HEATR1: variants seen among roughly 807,000 people sequenced by gnomAD.
HEATR1 encodes HEAT repeat-containing protein 1.
In HEATR1, 77 loss-of-function variants were observed where a neutral mutation model predicts 248.2. The observed-to-expected ratio is 0.31, with a 90% confidence interval of 0.26 to 0.37. HEATR1 has a LOEUF of 0.37. HEATR1 is among the 10% of genes least tolerant of loss of function. The pLI is 1.00. For synonymous variants in HEATR1, 897 were observed against 923.1 expected (o/e 0.97, Z 0.51); for missense variants, 2,420 against 2,504.9 (o/e 0.97, Z 0.72).
intron 32 of HEATR1, among the ~76,000 whole-genome samples, chr1:236,561,580 C>CT (rs1341504412): frequency 3.9e-5 from 6 of 152,170 alleles, no homozygotes; most frequent in African/African-American, 1.4e-4. Flanking sequence ...CTCACATATC[C>CT]TTTGTTGAGA....
intron 37 of HEATR1, 42 bp downstream of exon 37, chr1:236,557,153 C>G: frequency 6.9e-6 from 11 of 1,589,880 alleles, no homozygotes; most frequent in Non-Finnish European, 7.7e-6. Context: ...TTTTACCTTC[C>G]CCAGCCACCC....
In HEATR1 at chr1:236,558,458, T is replaced by C; in HGVS notation, c.4983A>G (p.Glu1661=). ...IVQRKKKEGE[E]EQAINRQTAL... ...CTGTCTGTCTGTTGATTGCTTGTTC[T>C]TCTTCCCCTTCCTTTTTCTTACGCT... The change falls in exon 36 of 45, where the codon GAA becomes GAG. Residue 1661 remains glutamate (E), a synonymous_variant. Coordinates refer to ENST00000366582, the MANE Select transcript of HEATR1 (RefSeq NM_018072.6). The C allele has an allele frequency of 6.2e-7, 1 of 1,614,254 alleles. No individual in the cohort carries two copies. Among genetic ancestry groups the C allele is most frequent in the South Asian group, 1.1e-5 (1 of 91,090 alleles).
chr1:236,600,140 T>TC, intron 3 of HEATR1, among the ~76,000 whole-genome samples: 1 of 134,636 alleles, frequency 7.4e-6, no homozygotes, highest in East Asian at 2.1e-4. Flanking sequence ...TTTTTTTTTT[T>TC]TTTTTTTGAG....
intron 28 of HEATR1, among the ~76,000 whole-genome samples, chr1:236,569,975 C>T (rs1663379530): frequency 1.3e-5 from 2 of 152,136 alleles, no homozygotes; most frequent in Admixed American, 6.5e-5. Flanking sequence ...CAAGCTTCAA[C>T]AAGAATGAAC....
chr1:236,555,977 A>G, intron 38 of HEATR1, 38 bp from the exon 39 acceptor site: 1 of 1,611,978 alleles, frequency 6.2e-7, no homozygotes, highest in Non-Finnish European at 8.5e-7. Flanking sequence ...CCATTTTCAA[A>G]TGATTCCTAG....
At chr1:236,551,909 C>T (rs10297) in intron 44 of HEATR1, 90 bp downstream of exon 44, 7 of 856,880 alleles carry the variant, frequency 8.2e-6, no homozygotes, top group Non-Finnish European at 1.2e-5. Flanking sequence ...ACGTTATATC[C>T]AAATCTGCAT....
At position 236,558,488 on chromosome 1, in the gene HEATR1, A is replaced by C. The variant is rs771898737; in HGVS notation, c.4953T>G (p.Ile1651Met). ...FLKLVPDLLA[I>M]VQRKKKEGEE... ...CCCCTTCCTTTTTCTTACGCTGCAC[A>C]ATGGCCAAAAGGTCTGGAACCAGTT... Residue 1651 changes from isoleucine to methionine, a missense_variant, in exon 36 of 45, where the codon ATT becomes ATG. Coordinates refer to ENST00000366582, the MANE Select transcript of HEATR1 (RefSeq NM_018072.6). 8 of 1,614,130 alleles carry C rather than the reference A, an allele frequency of 5.0e-6. No homozygotes were observed. The highest frequency in any genetic ancestry group is 6.8e-6 in the Non-Finnish European group (8 of 1,179,998).
At chr1:236,601,342 A>G (rs1664319920) in intron 3 of HEATR1, among the ~76,000 whole-genome samples, 1 of 151,244 alleles carries the variant, frequency 6.6e-6, no homozygotes, top group African/African-American at 2.4e-5. Flanking sequence ...TGTCTCCTGG[A>G]TTCAAGCAAT....
At chr1:236,600,118 ATTTTTTTTTTTTTTTT>A (rs67344658) in intron 3 of HEATR1, among the ~76,000 whole-genome samples, 2 of 50,286 alleles carry the variant, frequency 4.0e-5, no homozygotes, top group Admixed American at 3.8e-4. Context: ...GTCTGTCAAC[ATTTTTTTTTTTTTTTT>A]TTTTTTTTTT....
At chr1:236,580,119 T>C (rs983558482) in intron 20 of HEATR1, among the ~76,000 whole-genome samples, 3 of 152,344 alleles carry the variant, frequency 2.0e-5, no homozygotes, top group East Asian at 1.9e-4. Context: ...CTCATGTCAA[T>C]AGCTCTGTAA....
In HEATR1 at chr1:236,555,212, T is replaced by G. The variant is rs1662929486; in HGVS notation, c.5923+84A>C. On this transcript the variant is annotated intron_variant, in intron 41 of 44. Coordinates refer to ENST00000366582, the MANE Select transcript of HEATR1 (RefSeq NM_018072.6). Reference sequence around the variant, plus strand: ...ACTTAAGAACCTCTAAAATCTTGCTTCCAAGCACTAGGTTGTGTCTTACTG... The same window carrying G: ...ACTTAAGAACCTCTAAAATCTTGCTGCCAAGCACTAGGTTGTGTCTTACTG... 4 of 1,418,762 alleles carry G rather than the reference T, an allele frequency of 2.8e-6. No individual in the cohort carries two copies. The Admixed American group carries it at 8.8e-5, about 31-fold the overall frequency. The allele number at this position is 1,418,762 out of a possible 1,614,324, so 87.9% of individuals were successfully genotyped here. A position where few individuals can be genotyped will look rare whatever the true frequency, so the allele number is the denominator to read the frequency against.
Position 236,582,811 on chromosome 1 carries a change from G to A in HEATR1, c.2487C>T (p.Leu829=), listed in dbSNP as rs767884582. Residue 829 remains leucine (L), a synonymous_variant, in exon 19 of 45, where the codon CTC becomes CTT. Transcript: ENST00000366582. ...KEDSRDYLHL[L]IGLFEMMLNG... is the part of the protein sequence containing the mutation. ...TGAGCATCATCTCAAACAGCCCAAT[G>A]AGCAAGTGCAGATAGTCCCTGCTGT... 4 of 1,613,988 alleles carry A rather than the reference G, an allele frequency of 2.5e-6. No homozygotes were observed. The highest frequency in any genetic ancestry group is 2.2e-5 in the East Asian group (1 of 44,878).
At chr1:236,551,821 C>A in intron 44 of HEATR1, 178 bp downstream of exon 44, 1 of 558,580 alleles carries the variant, frequency 1.8e-6, no homozygotes. Flanking sequence ...TCCCTCCACC[C>A]AACTCAAAAC....
chr1:236,568,845 C>G (rs2794779), intron 29 of HEATR1, 151 bp downstream of exon 29: 270,487 of 395,428 alleles, frequency 0.68, 93,996 homozygotes, highest in Non-Finnish European at 0.71. Context: ...CAATGTACTT[C>G]AGCATTTCAG....
At chr1:236,576,107 T>A in intron 22 of HEATR1, 112 bp downstream of exon 22, 1 of 698,650 alleles carries the variant, frequency 1.4e-6, no homozygotes, top group Non-Finnish European at 2.2e-6. Context: ...TACATTTATC[T>A]CTTCTGAGCG....
In HEATR1 at chr1:236,558,960, T is replaced by C. The variant is rs750409968; in HGVS notation, c.4911+35A>G. The C allele has an allele frequency of 5.2e-6, 8 of 1,537,514 alleles. No individual in the cohort carries two copies. The African/African-American group carries it at 1.1e-4, about 21-fold the overall frequency. On this transcript the variant is annotated intron_variant, in intron 35 of 44. Coordinates refer to ENST00000366582, the MANE Select transcript of HEATR1 (RefSeq NM_018072.6). ...AATGCAGCTCTTTGATAAAGCAAAG[T>C]ACAGTAAATGGGTGTGTCCTGGGTC...
rs1663854056 is a variant in HEATR1 at position 236,585,216 on chromosome 1, C to T, written c.2050G>A (p.Val684Met). The T allele has an allele frequency of 1.2e-6, 2 of 1,601,932 alleles. No homozygotes were observed. The highest frequency in any genetic ancestry group is 1.7e-6 in the Non-Finnish European group (2 of 1,176,422). The change falls in exon 17 of 45, where the codon GTG (valine) becomes ATG (methionine). Residue 684 changes from valine to methionine, a missense_variant and splice_region_variant. Transcript: ENST00000366582. ...LGDPSSMLKM[V>M]EDLISVGEEE... ...TCACCCACGCTTATTAAATCCTCCACCTTGAAAAATAAACACACTCTATTA... is the reference window on the plus strand; with the variant it reads ...TCACCCACGCTTATTAAATCCTCCATCTTGAAAAATAAACACACTCTATTA...
intron 9 of HEATR1, 100 bp downstream of exon 9, chr1:236,593,912 A>G: frequency 1.3e-6 from 1 of 741,196 alleles, no homozygotes; most frequent in South Asian, 1.7e-5. Flanking sequence ...AAAACAAGAT[A>G]TACATTAAAA....
At chr1:236,560,471 T>C (rs941467954) in intron 33 of HEATR1, among the ~76,000 whole-genome samples, 10 of 152,004 alleles carry the variant, frequency 6.6e-5, no homozygotes, top group African/African-American at 2.4e-4. Context: ...GAGACAGAAG[T>C]TGACACCGCA....
Sources: gnomAD v4.1 joint callset for allele counts (sites outside exome capture counted in the v4.1 genomes callset) on GRCh38, gnomAD v4.1.1 for gene constraint, MANE v1.5 for transcripts, NCBI Gene and HGNC (gene_info 2026-07-23, HGNC 2026-07-21) for gene names.